Variants in SIK2 observed in about 807,000 individuals in gnomAD.
SIK2 encodes the protein salt inducible kinase 2, also known as serine/threonine-protein kinase SIK2.
SIK2 carries 29 observed loss-of-function variants against 103.2 expected under a neutral mutation model. The observed-to-expected ratio is 0.28, with a 90% CI of 0.21 to 0.38. SIK2 has a LOEUF of 0.38. Ranked by LOEUF, SIK2 falls within the 10% of genes least tolerant of loss-of-function variation. The pLI is 1.00. For synonymous variants in SIK2, 412 were observed against 446.1 expected, an observed-to-expected ratio of 0.92 and a Z score of 0.96; for missense variants, 879 against 1,171.0, an observed-to-expected ratio of 0.75 and a Z score of 3.64.
chr11:111,659,743 AT>A (rs1230378901), intron 3 of SIK2, among the ~76,000 whole-genome samples: 2 of 152,184 alleles, frequency 1.3e-5, no homozygotes, highest in Non-Finnish European at 2.9e-5. Flanking sequence ...AAGTCACAGA[AT>A]CCTTCCTGAG....
At chr11:111,651,743 CATTT>C (rs112977830) in intron 3 of SIK2, among the ~76,000 whole-genome samples, 45,450 of 151,876 alleles carry the variant, frequency 0.3, 7,291 homozygotes, top group African/African-American at 0.41. Context: ...TTCATTCATT[CATTT>C]AACAGATATG....
At chr11:111,721,775 G>C in intron 12 of SIK2, 55 bp from the exon 13 acceptor site, 1 of 1,402,600 alleles carries the variant, frequency 7.1e-7, no homozygotes, top group Non-Finnish European at 9.8e-7. Flanking sequence ...GCTAAGAACT[G>C]AGACGTTTTT....
intron 6 of SIK2, among the ~76,000 whole-genome samples, chr11:111,702,469 G>A (rs1943236392): frequency 6.6e-6 from 1 of 152,156 alleles, no homozygotes; most frequent in Non-Finnish European, 1.5e-5. Flanking sequence ...TGCACCTGTA[G>A]TCCTAGCTAC....
rs145705376 is a variant in SIK2 at position 111,606,507 on chromosome 11, T to TTA, written c.135+3816_135+3817dup. On this transcript the variant is annotated intron_variant, in intron 1 of 14. Coordinates refer to ENST00000304987, the MANE Select transcript of SIK2 (RefSeq NM_015191.3). Reference sequence around the variant, plus strand: ...TATTATAACCTAGGCGTTTTGTTTATTATATATAACTTTATAAAAACATTT... The same window carrying TTA: ...TATTATAACCTAGGCGTTTTGTTTATTATATATATAACTTTATAAAAACATTT... Among the ~76,000 whole-genome samples the TTA allele has an allele frequency of 5.9e-5, 9 of 152,252 alleles. No homozygotes were observed. In the East Asian group the frequency reaches 1.3e-3, roughly 23 times the overall value.
intron 4 of SIK2, among the ~76,000 whole-genome samples, chr11:111,699,755 T>C (rs1943166864): frequency 6.6e-6 from 1 of 152,228 alleles, no homozygotes; most frequent in Non-Finnish European, 1.5e-5. Flanking sequence ...TTTTAACACA[T>C]TGGGCCTTTA....
chr11:111,615,854 C>T (rs373495476), intron 1 of SIK2, among the ~76,000 whole-genome samples: 40 of 152,246 alleles, frequency 2.6e-4, no homozygotes, highest in African/African-American at 9.4e-4. Context: ...AGCTATCTTC[C>T]GAACTGTCTT....
intron 3 of SIK2, among the ~76,000 whole-genome samples, chr11:111,650,591 T>C (rs1319729148): frequency 6.9e-6 from 1 of 145,026 alleles, no homozygotes; most frequent in Non-Finnish European, 1.5e-5. Context: ...TCTAAAAATA[T>C]ATAAACATTT....
chr11:111,720,853 G>T lies in SIK2; in HGVS notation c.1781-46G>T, dbSNP rs368912230. The T allele has an allele frequency of 1.2e-5, 20 of 1,600,540 alleles. No homozygotes were observed. The African/African-American group carries it at 1.6e-4, about 13-fold the overall frequency. On this transcript the variant is annotated intron_variant, in intron 11 of 14. Transcript: ENST00000304987. ...TGTGGTCACCTGTGGTCACTGAAAGGCCTTGTATTTTAGTTAAACTGTTTG... is the reference window on the plus strand; with the variant it reads ...TGTGGTCACCTGTGGTCACTGAAAGTCCTTGTATTTTAGTTAAACTGTTTG...
chr11:111,721,892 G>C lies in SIK2; in HGVS notation c.2007G>C (p.Leu669=), dbSNP rs761569466. The change falls in exon 13 of 15, where the codon CTG becomes CTC. Residue 669 remains leucine, a synonymous_variant. Transcript: ENST00000304987. ...TCCCTGCCAGCGTGCATCCCCAGCT[G>C]TCCCCACGGCAGAGCCTGGAGACCC... is the stretch of plus-strand genomic sequence containing the variant. ...STLPASVHPQ[L]SPRQSLETQY... is the part of the protein sequence containing the mutation. 6.2e-7 allele frequency: 1 copy of C among 1,612,322 alleles called. No homozygotes were observed. Among genetic ancestry groups the C allele is most frequent in the South Asian group, 1.1e-5 (1 of 90,896 alleles).
intron 1 of SIK2, among the ~76,000 whole-genome samples, chr11:111,610,651 T>A (rs983720421): frequency 1.1e-4 from 17 of 152,192 alleles, no homozygotes; most frequent in African/African-American, 4.1e-4. Context: ...TTTTTAAAAT[T>A]TCACATTGTT....
intron 1 of SIK2, among the ~76,000 whole-genome samples, chr11:111,606,133 G>C (rs896372753): frequency 6.6e-6 from 1 of 152,134 alleles, no homozygotes; most frequent in African/African-American, 2.4e-5. Flanking sequence ...TACAGTATTA[G>C]GAAATAACTT....
chr11:111,602,701 G>A lies in SIK2; in HGVS notation c.135+3G>A. The A allele has an allele frequency of 6.6e-7, 1 of 1,507,808 alleles. No individual in the cohort carries two copies. The highest frequency in any genetic ancestry group is 8.9e-7 in the Non-Finnish European group (1 of 1,126,534). The allele number at this position is 1,507,808 out of a possible 1,614,324, so 93.4% of individuals were successfully genotyped here. ...GGCACCGGATCACCAAGACGGAGGT[G>A]CGGCCCGGGGCTCGGCGGGAGCGTC... is the stretch of plus-strand genomic sequence containing the variant. On this transcript the variant is annotated splice_donor_region_variant and intron_variant, in intron 1 of 14. Transcript: ENST00000304987. This position sits in a 1 kb window ranked among gnomAD's most constrained non-coding sequence, Gnocchi z 4.5.
At chr11:111,603,435 C>G (rs555403882) in intron 1 of SIK2, among the ~76,000 whole-genome samples, 1 of 152,186 alleles carries the variant, frequency 6.6e-6, no homozygotes, top group East Asian at 1.9e-4. Flanking sequence ...TGTCACTGTA[C>G]CAGGTGTGCA....
At chr11:111,623,996 G>A (rs1430211042) in intron 3 of SIK2, among the ~76,000 whole-genome samples, 2 of 152,140 alleles carry the variant, frequency 1.3e-5, no homozygotes, top group Non-Finnish European at 2.9e-5. Flanking sequence ...CTGTTGCTCA[G>A]GGTTCACTTT....
chr11:111,658,748 A>AAAG (rs1255933394), intron 3 of SIK2, among the ~76,000 whole-genome samples: 2 of 152,112 alleles, frequency 1.3e-5, no homozygotes, highest in East Asian at 3.9e-4. Flanking sequence ...CACAAAAAAA[A>AAAG]AAGAAGAAGA....
intron 9 of SIK2, among the ~76,000 whole-genome samples, chr11:111,714,383 G>A (rs1943581530): frequency 6.6e-6 from 1 of 152,204 alleles, no homozygotes; most frequent in African/African-American, 2.4e-5. Context: ...CAGTTGTTAG[G>A]GGAGTAGGAA....
intron 2 of SIK2, among the ~76,000 whole-genome samples, chr11:111,618,882 T>C (rs750624274): frequency 1.3e-5 from 2 of 152,120 alleles, no homozygotes; most frequent in Non-Finnish European, 1.5e-5. Flanking sequence ...TACAAGCACA[T>C]GCCACTATAC....
At chr11:111,719,099 G>C (rs74944575) in intron 9 of SIK2, among the ~76,000 whole-genome samples, 366 of 152,346 alleles carry the variant, frequency 2.4e-3, no homozygotes, top group African/African-American at 8.2e-3. Context: ...ATTAGCCTCT[G>C]CTGGAATTTT....
At chr11:111,605,357 A>G (rs1262750027) in intron 1 of SIK2, among the ~76,000 whole-genome samples, 3 of 152,188 alleles carry the variant, frequency 2.0e-5, no homozygotes, top group Non-Finnish European at 2.9e-5. Context: ...CATTCACTGG[A>G]TAAATGTTTG....
Sources: gnomAD v4.1 joint callset for allele counts (sites outside exome capture counted in the v4.1 genomes callset) on GRCh38, gnomAD v4.1.1 for gene constraint, Gnocchi (gnomAD v3.1) non-coding constraint, MANE v1.5 for transcripts, NCBI Gene and HGNC (gene_info 2026-07-23, HGNC 2026-07-21) for gene names.